The following UGT1A8 variants were observed in gnomAD, a reference collection of about 807,000 sequenced individuals.
The protein encoded by UGT1A8 is UDP glucuronosyltransferase family 1 member A8, also known as UDP-glucuronosyltransferase 1A8.
In UGT1A8, 39 loss-of-function variants were observed where a neutral mutation model predicts 45.3. That is an observed-to-expected ratio of 0.86 (90% CI 0.67 to 1.12). UGT1A8 has a LOEUF of 1.12. Among genes scored for constraint, UGT1A8 ranks in the 50% most tolerant of loss-of-function variants. UGT1A8 has a pLI of 0.00. For missense variants in UGT1A8, 719 were observed against 664.9 expected (o/e 1.08, Z -0.90); for synonymous variants, 275 against 249.2 (o/e 1.10, Z -0.97).
chr2:233,644,684 A>G (rs1047516631), intron 1 of UGT1A8, among the ~76,000 whole-genome samples: 3 of 152,214 alleles, frequency 2.0e-5, no homozygotes, highest in Admixed American at 1.3e-4. Flanking sequence ...GTGCCTCCCA[A>G]TTGTCTCCCA....
chr2:233,753,194 G>GCCCT (rs1307613617), intron 1 of UGT1A8: 1 of 152,080 alleles, frequency 6.6e-6, no homozygotes, highest in Non-Finnish European at 1.5e-5. Context: ...TTTTTCAAAA[G>GCCCT]CCCTGACAGT....
chr2:233,712,961 G>T (rs2076264324), intron 1 of UGT1A8: 1 of 1,612,910 alleles, frequency 6.2e-7, no homozygotes, highest in Non-Finnish European at 8.5e-7. Context: ...AACGTGGGGT[G>T]GACAGTCAGC....
intron 1 of UGT1A8, among the ~76,000 whole-genome samples, chr2:233,765,730 T>TAATAATAAA (rs1427774434): frequency 6.7e-6 from 1 of 150,190 alleles, no homozygotes; most frequent in Non-Finnish European, 1.5e-5. Context: ...ATAATAATAA[T>TAATAATAAA]AAATAAACCC....
intron 1 of UGT1A8, chr2:233,747,984 C>G: frequency 6.2e-7 from 1 of 1,613,422 alleles, no homozygotes; most frequent in South Asian, 1.1e-5. Context: ...GTGGCTGTTC[C>G]GAGGGGACTT....
intron 1 of UGT1A8, among the ~76,000 whole-genome samples, chr2:233,630,681 G>A (rs1355633765): frequency 1.3e-5 from 2 of 152,052 alleles, no homozygotes; most frequent in Admixed American, 6.6e-5. Context: ...CATGGCAAGA[G>A]CAGGAGCAAG....
intron 1 of UGT1A8, among the ~76,000 whole-genome samples, chr2:233,631,230 C>G (rs1387313522): frequency 6.6e-6 from 1 of 152,100 alleles, no homozygotes; most frequent in Non-Finnish European, 1.5e-5. Context: ...TTTCTTTATC[C>G]AGGCTATCAT....
At chr2:233,744,688 T>C (rs1692891145) in intron 1 of UGT1A8, among the ~76,000 whole-genome samples, 1 of 151,894 alleles carries the variant, frequency 6.6e-6, no homozygotes, top group Admixed American at 6.5e-5. Flanking sequence ...ATGTAGCTTC[T>C]GGAAAACTCC....
At chr2:233,766,476 A>G (rs893882112) in intron 1 of UGT1A8, among the ~76,000 whole-genome samples, 2 of 152,172 alleles carry the variant, frequency 1.3e-5, no homozygotes, top group African/African-American at 2.4e-5. Flanking sequence ...TTATAGGCAC[A>G]TGATGGGGGC....
intron 1 of UGT1A8, among the ~76,000 whole-genome samples, chr2:233,625,954 A>T (rs1363135120): frequency 6.6e-6 from 1 of 151,956 alleles, no homozygotes; most frequent in Non-Finnish European, 1.5e-5. Context: ...GTATAAGAGG[A>T]AGTCATTCAT....
intron 1 of UGT1A8, chr2:233,649,119 G>T (rs1000531024): frequency 7.0e-5 from 51 of 725,934 alleles, no homozygotes; most frequent in Non-Finnish European, 9.2e-5. Flanking sequence ...ATTTGTGTTT[G>T]TTGCATCTAA....
chr2:233,692,984 G>A (rs2075124795), intron 1 of UGT1A8: 7 of 1,613,412 alleles, frequency 4.3e-6, no homozygotes, highest in Non-Finnish European at 5.9e-6. Context: ...TATTACCGTT[G>A]TTACTTTAAC....
intron 1 of UGT1A8, chr2:233,637,242 G>T (rs764425310): frequency 2.5e-6 from 4 of 1,613,822 alleles, no homozygotes; most frequent in Non-Finnish European, 3.4e-6. Context: ...CCCCTGTCAC[G>T]GCATATGATC....
intron 1 of UGT1A8, among the ~76,000 whole-genome samples, chr2:233,704,378 C>G (rs113589213): frequency 1.3e-5 from 2 of 151,338 alleles, no homozygotes; most frequent in South Asian, 4.2e-4. Context: ...CTTAGCACAT[C>G]GATTTTAACT....
chr2:233,715,672 T>G (rs2076464299), intron 1 of UGT1A8, among the ~76,000 whole-genome samples: 1 of 152,104 alleles, frequency 6.6e-6, no homozygotes, highest in Non-Finnish European at 1.5e-5. Context: ...CTCGGGAGGC[T>G]GAGGCAGGAG....
intron 1 of UGT1A8, among the ~76,000 whole-genome samples, chr2:233,750,311 G>A (rs1694421303): frequency 6.6e-6 from 1 of 151,966 alleles, no homozygotes; most frequent in Admixed American, 6.5e-5. Flanking sequence ...CTAGAGATCT[G>A]TGGAACTTTG....
intron 1 of UGT1A8, among the ~76,000 whole-genome samples, chr2:233,716,575 T>C (rs760406565): frequency 1.3e-5 from 2 of 152,244 alleles, no homozygotes; most frequent in African/African-American, 4.8e-5. Flanking sequence ...TTAAAAACAA[T>C]ACTTTCAAAG....
At chr2:233,646,925 C>A (rs779188061) in intron 1 of UGT1A8, among the ~76,000 whole-genome samples, 9 of 152,150 alleles carry the variant, frequency 5.9e-5, no homozygotes, top group Non-Finnish European at 1.2e-4. Flanking sequence ...TGTTTTCATG[C>A]TGCTGATAAA....
chr2:233,640,244 T>C (rs2073415659), intron 1 of UGT1A8, among the ~76,000 whole-genome samples: 1 of 152,220 alleles, frequency 6.6e-6, no homozygotes, highest in South Asian at 2.1e-4. Context: ...AATGTGCACC[T>C]GTATATCAAT....
chr2:233,724,196 G>C (rs2125699234), intron 1 of UGT1A8, among the ~76,000 whole-genome samples: 1 of 131,752 alleles, frequency 7.6e-6, no homozygotes, highest in Admixed American at 7.2e-5. Context: ...CGGGGTGGCT[G>C]GCCGGGCTGA....
Sources: gnomAD v4.1 joint callset for allele counts (sites outside exome capture counted in the v4.1 genomes callset) on GRCh38, gnomAD v4.1.1 for gene constraint, MANE v1.5 for transcripts, NCBI Gene and HGNC (gene_info 2026-07-23, HGNC 2026-07-21) for gene names.